The following ITFG1 variants were observed in gnomAD, a reference collection of about 807,000 sequenced individuals.
The protein encoded by ITFG1 is integrin alpha FG-GAP repeat containing 1, also known as T-cell immunomodulatory protein.
In ITFG1, 34 loss-of-function variants were observed where a neutral mutation model predicts 81.8. That is an observed-to-expected ratio of 0.42 (90% CI 0.32 to 0.55). The LOEUF (loss-of-function observed/expected upper bound fraction) is 0.55. Ranked by LOEUF, ITFG1 falls within the 20% of genes least tolerant of loss-of-function variation. The pLI is 0.17. For missense variants in ITFG1, 672 were observed against 755.4 expected (o/e 0.89, Z 1.29); for synonymous variants, 285 against 270.6 (o/e 1.05, Z -0.52).
At chr16:47,415,659 A>T (rs965955543) in intron 6 of ITFG1, among the ~76,000 whole-genome samples, 4 of 152,218 alleles carry the variant, frequency 2.6e-5, no homozygotes, top group African/African-American at 9.7e-5. Flanking sequence ...AATCATAATG[A>T]AATACCATTT....
intron 12 of ITFG1, among the ~76,000 whole-genome samples, chr16:47,240,944 C>G (rs1965925580): frequency 6.6e-6 from 1 of 151,950 alleles, no homozygotes; most frequent in Non-Finnish European, 1.5e-5. Flanking sequence ...AGAAAAAGTT[C>G]TGGAGATGTG....
At chr16:47,426,461 A>G (rs1969022247) in intron 6 of ITFG1, 1 of 150,600 alleles carries the variant, frequency 6.6e-6, no homozygotes, top group Admixed American at 6.7e-5. Flanking sequence ...GCAAGTTTCT[A>G]AGACAACTTC....
Position 47,451,441 on chromosome 16 carries a change from A to G in ITFG1, c.515T>C (p.Phe172Ser). 6.3e-7 allele frequency: 1 copy of G among 1,585,792 alleles called. No homozygotes were observed. Among genetic ancestry groups the G allele is most frequent in the Non-Finnish European group, 8.7e-7 (1 of 1,155,312 alleles). The change falls in exon 5 of 18, where the codon TTT becomes TCT. Residue 172 changes from phenylalanine (F) to serine (S), a missense_variant. This residue lies in a region of ITFG1 where 560 missense variants were observed against 625.7 expected (regional missense o/e 0.90). Coordinates refer to ENST00000320640, the MANE Select transcript of ITFG1 (RefSeq NM_030790.5). The stretch of plus-strand genomic sequence containing the variant: ...CTGGTTGGATTCATTTGTGATACCA[A>G]AAATATCAGGAATTAGATCACCATT... ...DFNGDLIPDI[F>S]GITNESNQPQ...
chr16:47,394,456 C>T (rs1207157956), intron 6 of ITFG1, among the ~76,000 whole-genome samples: 2 of 152,086 alleles, frequency 1.3e-5, no homozygotes, highest in African/African-American at 4.8e-5. Flanking sequence ...AAAGCTTTTT[C>T]AGAAACAAAA....
At chr16:47,446,506 C>T (rs1969326472) in intron 5 of ITFG1, among the ~76,000 whole-genome samples, 1 of 152,128 alleles carries the variant, frequency 6.6e-6, no homozygotes, top group Admixed American at 6.5e-5. Context: ...TAAGACTACA[C>T]CTAAGAGACA....
chr16:47,297,902 C>T (rs532963812), intron 10 of ITFG1, among the ~76,000 whole-genome samples: 8 of 152,226 alleles, frequency 5.3e-5, no homozygotes, highest in Admixed American at 2.0e-4. Context: ...GAAATTTTAA[C>T]GTAGTATTTC....
At chr16:47,365,089 A>G (rs1968158884) in intron 8 of ITFG1, among the ~76,000 whole-genome samples, 1 of 152,196 alleles carries the variant, frequency 6.6e-6, no homozygotes, top group Non-Finnish European at 1.5e-5. Flanking sequence ...CCCATTTTAT[A>G]TATGAAGAAG....
At chr16:47,347,858 C>G (rs548400042) in intron 8 of ITFG1, among the ~76,000 whole-genome samples, 5 of 152,188 alleles carry the variant, frequency 3.3e-5, no homozygotes, top group African/African-American at 1.2e-4. Flanking sequence ...TCCAGAGGAA[C>G]GATCAGACAG....
intron 6 of ITFG1, among the ~76,000 whole-genome samples, chr16:47,415,781 C>A (rs1305493706): frequency 2.0e-5 from 3 of 152,060 alleles, no homozygotes; most frequent in Non-Finnish European, 2.9e-5. Flanking sequence ...TTCTTCAGGG[C>A]AAGATAAGTG....
chr16:47,156,138 TAAAC>T (rs1423015733), intron 17 of ITFG1, among the ~76,000 whole-genome samples: 1 of 152,172 alleles, frequency 6.6e-6, no homozygotes, highest in African/African-American at 2.4e-5. Flanking sequence ...ATGATGTTAA[TAAAC>T]AAATCTAATG....
chr16:47,331,684 A>G (rs1279723766), intron 8 of ITFG1, among the ~76,000 whole-genome samples: 1 of 152,174 alleles, frequency 6.6e-6, no homozygotes, highest in Non-Finnish European at 1.5e-5. Context: ...GTTTAAAAGT[A>G]AAAGAAGGGT....
intron 8 of ITFG1, among the ~76,000 whole-genome samples, chr16:47,356,104 G>T (rs1001686948): frequency 2.6e-5 from 4 of 152,146 alleles, no homozygotes; most frequent in African/African-American, 9.7e-5. Context: ...TCATGTCCCA[G>T]CTCTGCCACT....
chr16:47,459,649 G>C (rs1969498939), intron 1 of ITFG1, among the ~76,000 whole-genome samples: 1 of 152,154 alleles, frequency 6.6e-6, no homozygotes, highest in African/African-American at 2.4e-5. Flanking sequence ...AGCACAAAAT[G>C]CTGAATCCTC....
chr16:47,182,112 T>C (rs185897319), intron 14 of ITFG1, among the ~76,000 whole-genome samples: 28 of 151,292 alleles, frequency 1.9e-4, no homozygotes, highest in Admixed American at 4.6e-4. Flanking sequence ...CTGCTGACCT[T>C]CCCTCCACTA....
intron 8 of ITFG1, 152 bp downstream of exon 8, chr16:47,365,636 T>A (rs1056066341): frequency 1.1e-5 from 6 of 530,860 alleles, no homozygotes; most frequent in Admixed American, 9.5e-5. Flanking sequence ...TCACATACAA[T>A]ACTATTATGG....
At chr16:47,167,068 C>T (rs942789249) in intron 14 of ITFG1, among the ~76,000 whole-genome samples, 2 of 152,132 alleles carry the variant, frequency 1.3e-5, no homozygotes, top group African/African-American at 4.8e-5. Flanking sequence ...TGTTTGCAAA[C>T]TTTTTCATCA....
intron 8 of ITFG1, among the ~76,000 whole-genome samples, chr16:47,321,515 A>G (rs1967447975): frequency 1.3e-5 from 2 of 152,228 alleles, no homozygotes; most frequent in African/African-American, 4.8e-5. Context: ...CATCATTAAC[A>G]TAAGAGAAAT....
At chr16:47,384,214 C>T (rs1968431152) in intron 6 of ITFG1, among the ~76,000 whole-genome samples, 1 of 152,176 alleles carries the variant, frequency 6.6e-6, no homozygotes, top group South Asian at 2.1e-4. Flanking sequence ...CTAATAACTG[C>T]TACCTCAGAC....
At position 47,406,417 on chromosome 16, in the gene ITFG1, C is replaced by T. The variant is rs554217941; in HGVS notation, c.655+22387G>A. Among the ~76,000 whole-genome samples the T allele has an allele frequency of 5.9e-5, 9 of 152,298 alleles. No individual in the cohort carries two copies. The East Asian group carries it at 1.3e-3, about 23-fold the overall frequency. The stretch of plus-strand genomic sequence containing the variant: ...GTATGTTTGAACTTCTGCAAACTAA[C>T]GCCAATTTCATCAAGAGCTCCTTTT... On this transcript the variant is annotated intron_variant, in intron 6 of 17. Coordinates refer to ENST00000320640, the MANE Select transcript of ITFG1 (RefSeq NM_030790.5).
Sources: allele counts gnomAD v4.1 joint callset (sites outside exome capture counted in the v4.1 genomes callset), GRCh38; gene constraint gnomAD v4.1.1; regional missense constraint gnomAD v4.1.1; transcripts MANE v1.5; gene names NCBI Gene and HGNC (gene_info 2026-07-23, HGNC 2026-07-21).